Variants in METRNL observed in about 807,000 individuals in gnomAD.
The protein encoded by METRNL is meteorin like, glial cell differentiation regulator.
METRNL carries 9 observed loss-of-function variants against 17.4 expected under a neutral mutation model. The ratio of observed to expected loss-of-function variants is 0.52; its 90% CI spans 0.31 to 0.90. The LOEUF is 0.90. Ranked by LOEUF, METRNL falls within the 40% of genes least tolerant of loss-of-function variation. METRNL has a pLI of 0.05. For missense variants in METRNL, 408 were observed against 430.7 expected, an observed-to-expected ratio of 0.95 and a Z score of 0.47; for synonymous variants, 215 against 199.3, an observed-to-expected ratio of 1.08 and a Z score of -0.66.
At chr17:83,084,893 G>GT (rs1568335820) in intron 1 of METRNL, 45 bp from the exon 2 acceptor site, 1 of 1,570,262 alleles carries the variant, frequency 6.4e-7, no homozygotes, top group East Asian at 2.2e-5. Context: ...GGTGGGGTGT[G>GT]TGACGGGAGC....
At chr17:83,090,856 G>C (rs7502145) in intron 2 of METRNL, among the ~76,000 whole-genome samples, 109,314 of 151,932 alleles carry the variant, frequency 0.72, 40,104 homozygotes, top group African/African-American at 0.87. Flanking sequence ...TGTTGCTTCC[G>C]GACGTGAGTG....
rs2038160184 is a variant in METRNL at position 83,093,147 on chromosome 17, ACT to A, written c.557-17_557-16del. On this transcript the variant is annotated intron_variant, in intron 2 of 3. Coordinates refer to ENST00000320095, the MANE Select transcript of METRNL (RefSeq NM_001004431.3). ...CCTGTCCCGTCCAGGCTGCTTCCTG[ACT>A]CTGCCTTTCTTCTCCAGCGCCGTGC... 6.2e-7 allele frequency: 1 copy of A among 1,604,600 alleles called. No homozygotes were observed. Among genetic ancestry groups the A allele is most frequent in the Non-Finnish European group, 8.5e-7 (1 of 1,178,716 alleles).
intron 1 of METRNL, among the ~76,000 whole-genome samples, chr17:83,082,538 C>T (rs1192969987): frequency 6.6e-6 from 1 of 152,212 alleles, no homozygotes; most frequent in Non-Finnish European, 1.5e-5. Flanking sequence ...TAAAGTTGAA[C>T]GAACCACGGT....
intron 2 of METRNL, among the ~76,000 whole-genome samples, chr17:83,088,292 C>A (rs2038076170): frequency 6.6e-6 from 1 of 152,246 alleles, no homozygotes. Flanking sequence ...CTGTGCCCAG[C>A]AGACCTGGCT....
chr17:83,086,558 C>A (rs1000953337), intron 2 of METRNL, among the ~76,000 whole-genome samples: 1 of 152,146 alleles, frequency 6.6e-6, no homozygotes, highest in Non-Finnish European at 1.5e-5. Flanking sequence ...TGAGGCGAAA[C>A]CTGGAGAAAT....
At chr17:83,090,087 A>G (rs1459240954) in intron 2 of METRNL, among the ~76,000 whole-genome samples, 1 of 150,804 alleles carries the variant, frequency 6.6e-6, no homozygotes, top group African/African-American at 2.5e-5. Context: ...CCGGGGTGGG[A>G]CGCATGTGGC....
chr17:83,085,792 C>T (rs911906081), intron 2 of METRNL, among the ~76,000 whole-genome samples: 2 of 152,166 alleles, frequency 1.3e-5, no homozygotes, highest in African/African-American at 2.4e-5. Context: ...ACCTTTGAAA[C>T]GGGTGCTTTT....
chr17:83,085,806 A>G (rs981769713), intron 2 of METRNL, among the ~76,000 whole-genome samples: 1 of 152,168 alleles, frequency 6.6e-6, no homozygotes, highest in African/African-American at 2.4e-5. Context: ...TGCTTTTGCC[A>G]TTCAAACTGC....
chr17:83,092,109 C>T (rs898883041), intron 2 of METRNL, among the ~76,000 whole-genome samples: 16 of 152,198 alleles, frequency 1.1e-4, no homozygotes, highest in African/African-American at 1.4e-4. Flanking sequence ...TTTCCGCATT[C>T]TCTGGGGGAG....
At position 83,095,060 on chromosome 17, in the gene METRNL, C is replaced by G. The variant is rs1162583854; in HGVS notation, c.*485C>G. The G allele has an allele frequency of 1.3e-5, 2 of 153,644 alleles. No homozygotes were observed. Among genetic ancestry groups the G allele is most frequent in the Non-Finnish European group, 2.9e-5 (2 of 69,042 alleles). 9.5% of individuals were successfully genotyped at this position (153,644 alleles called of 1,614,324 possible). A position where few individuals can be genotyped will look rare whatever the true frequency, so the allele number is the denominator to read the frequency against. ...TTTCATTTTATTTTTAAAGGATGAG[C>G]TTTGGTCCTTTTCAGGCCGCCGGTT... On this transcript the variant is annotated 3_prime_UTR_variant, in exon 4 of 4. Transcript: ENST00000320095.
intron 1 of METRNL, 128 bp from the exon 2 acceptor site, chr17:83,084,810 C>A: frequency 8.0e-7 from 1 of 1,251,278 alleles, no homozygotes; most frequent in Non-Finnish European, 1.1e-6. Flanking sequence ...GCACCTGTGG[C>A]CGGCAGCGGG....
intron 3 of METRNL, 79 bp from the exon 4 acceptor site, chr17:83,094,177 G>A (rs1283777272): frequency 4.2e-5 from 52 of 1,226,956 alleles, no homozygotes; most frequent in Non-Finnish European, 5.4e-5. Flanking sequence ...CCATCGATGC[G>A]GGGGCAGGGG....
At chr17:83,092,560 CTGTGGAGGTGGGTTGGGGG>C (rs2038151716) in intron 2 of METRNL, 1 of 108,248 alleles carries the variant, frequency 9.2e-6, no homozygotes, top group African/African-American at 3.6e-5. Flanking sequence ...GCGCCGTGGG[CTGTGGAGGTGGGTTGGGGG>C]CGACTCTGGG....
At chr17:83,089,419 C>A (rs960641535) in intron 2 of METRNL, among the ~76,000 whole-genome samples, 1 of 152,160 alleles carries the variant, frequency 6.6e-6, no homozygotes. Flanking sequence ...CCTGCCGGAC[C>A]GGTCGGTGTC....
At chr17:83,093,053 G>T in intron 2 of METRNL, 114 bp from the exon 3 acceptor site, 1 of 824,586 alleles carries the variant, frequency 1.2e-6, no homozygotes, top group East Asian at 2.6e-5. Flanking sequence ...GCCTTGACGT[G>T]GACACCCTCC....
chr17:83,093,180 C>T lies in METRNL; in HGVS notation c.570C>T (p.Pro190=). The part of the protein sequence containing the change: ...DLHELSAPCR[P]CSDTEVLLAV... ...TTTCTTCTCCAGCGCCGTGCCGTCC[C>T]TGCAGTGACACCGAGGTGCTCCTAG... is the stretch of plus-strand genomic sequence containing the variant. The change falls in exon 3 of 4, where the codon CCC becomes CCT. Residue 190 remains proline, a synonymous_variant. Coordinates refer to ENST00000320095, the MANE Select transcript of METRNL (RefSeq NM_001004431.3). 4 of 1,608,292 alleles carry T rather than the reference C, an allele frequency of 2.5e-6. No homozygotes were observed. The highest frequency in any genetic ancestry group is 3.4e-6 in the Non-Finnish European group (4 of 1,179,910).
At chr17:83,085,997 C>T (rs896266034) in intron 2 of METRNL, among the ~76,000 whole-genome samples, 9 of 152,156 alleles carry the variant, frequency 5.9e-5, no homozygotes, top group African/African-American at 1.7e-4. Context: ...CCTGTGTGGC[C>T]GGCAGGGAGT....
intron 2 of METRNL, among the ~76,000 whole-genome samples, chr17:83,089,546 C>T (rs142210461): frequency 0.014 from 2,167 of 152,134 alleles, 31 homozygotes; most frequent in Non-Finnish European, 0.022. Context: ...TCCCTCCCAC[C>T]CTGTTCATGC....
rs947388223 is a variant in METRNL at position 83,092,066 on chromosome 17, G to A, written c.557-1101G>A. 9.2e-5 allele frequency among the ~76,000 whole-genome samples: 14 copies of A among 152,214 alleles called. No individual in the cohort carries two copies. In the South Asian group the frequency reaches 1.0e-3, roughly 11 times the overall value. ...GTTGTTGGGAAAGCCTGGTTTGGCCGGTACGGGAGCTCATTCTGAGAAGCC... is the reference window on the plus strand; with the variant it reads ...GTTGTTGGGAAAGCCTGGTTTGGCCAGTACGGGAGCTCATTCTGAGAAGCC... On this transcript the variant is annotated intron_variant, in intron 2 of 3. Coordinates refer to ENST00000320095, the MANE Select transcript of METRNL (RefSeq NM_001004431.3).
Sources: allele counts gnomAD v4.1 joint callset (sites outside exome capture counted in the v4.1 genomes callset), GRCh38; gene constraint gnomAD v4.1.1; transcripts MANE v1.5; gene names NCBI Gene and HGNC (gene_info 2026-07-23, HGNC 2026-07-21).